IQCM: variants seen among roughly 807,000 people sequenced by gnomAD.
The protein encoded by IQCM is IQ domain-containing protein M.
A neutral mutation model predicts 57.6 loss-of-function variants in IQCM; 45 were observed. The observed-to-expected ratio is 0.78, with a 90% CI of 0.62 to 1.00. The LOEUF (loss-of-function observed/expected upper bound fraction) is 1.00. Ranked by LOEUF, IQCM falls within the 50% of genes least tolerant of loss-of-function variation. IQCM has a pLI of 0.00. For missense variants in IQCM, 468 were observed against 511.6 expected, an observed-to-expected ratio of 0.91 and a Z score of 0.82; for synonymous variants, 148 against 158.9, an observed-to-expected ratio of 0.93 and a Z score of 0.51.
intron 13 of IQCM, among the ~76,000 whole-genome samples, chr4:149,394,047 T>C (rs1732050084): frequency 6.6e-6 from 1 of 152,040 alleles, no homozygotes; most frequent in Non-Finnish European, 1.5e-5. Flanking sequence ...TTCTTCATTG[T>C]GTTCTCATAG....
intron 9 of IQCM, among the ~76,000 whole-genome samples, chr4:149,580,088 A>G (rs1468546179): frequency 1.3e-5 from 2 of 151,908 alleles, no homozygotes; most frequent in South Asian, 2.1e-4. Context: ...TACTATGCTC[A>G]AAAAGAATAA....
rs904406499 is a variant in IQCM, at chr4:149,752,741, C to T, written c.-48-10002G>A. Among the ~76,000 whole-genome samples the T allele has an allele frequency of 3.3e-5, 5 of 152,202 alleles. No individual in the cohort carries two copies. The East Asian group carries it at 9.7e-4, about 29-fold the overall frequency. On this transcript the variant is annotated intron_variant, in intron 2 of 13. Coordinates refer to ENST00000636793, the MANE Select transcript of IQCM (RefSeq NM_001363507.2). ...AGTAGAGGCAACCTGGAGTTCAGCTCCAGTGTAGTAACCAGAACTCAGAGT... is the reference window on the plus strand; with the variant it reads ...AGTAGAGGCAACCTGGAGTTCAGCTTCAGTGTAGTAACCAGAACTCAGAGT...
At chr4:149,547,376 TTAA>T (rs1375578650) in intron 12 of IQCM, among the ~76,000 whole-genome samples, 1 of 152,218 alleles carries the variant, frequency 6.6e-6, no homozygotes, top group Non-Finnish European at 1.5e-5. Context: ...TTATGTTAAG[TTAA>T]ATAAGCCAGA....
chr4:149,576,150 T>A (rs1044584496), intron 9 of IQCM, among the ~76,000 whole-genome samples: 2 of 151,860 alleles, frequency 1.3e-5, no homozygotes, highest in Non-Finnish European at 2.9e-5. Context: ...ATTTTTTTTC[T>A]TTCCAACTTT....
chr4:149,736,832 C>A (rs1186861402), intron 3 of IQCM, among the ~76,000 whole-genome samples: 1 of 152,066 alleles, frequency 6.6e-6, no homozygotes. Context: ...CAATTCCAAT[C>A]CTAGGTATTT....
chr4:149,393,389 G>A (rs1731998333), intron 13 of IQCM, among the ~76,000 whole-genome samples: 1 of 151,676 alleles, frequency 6.6e-6, no homozygotes, highest in Non-Finnish European at 1.5e-5. Flanking sequence ...TGGAAGATAT[G>A]AGAGAGAAAA....
At chr4:149,804,649 C>T (rs573560386) in intron 2 of IQCM, among the ~76,000 whole-genome samples, 7 of 152,084 alleles carry the variant, frequency 4.6e-5, no homozygotes, top group African/African-American at 1.7e-4. Flanking sequence ...TATGTTTATC[C>T]CTTTTTTAGA....
At chr4:149,744,107 G>A (rs1026895874) in intron 2 of IQCM, among the ~76,000 whole-genome samples, 3 of 152,132 alleles carry the variant, frequency 2.0e-5, no homozygotes, top group Non-Finnish European at 2.9e-5. Flanking sequence ...TAGATAAAAG[G>A]CTACAACACT....
At chr4:149,705,842 T>A (rs1764115049) in intron 5 of IQCM, among the ~76,000 whole-genome samples, 1 of 151,880 alleles carries the variant, frequency 6.6e-6, no homozygotes, top group Non-Finnish European at 1.5e-5. Flanking sequence ...ATATTTAAAG[T>A]CAATGCCAAA....
intron 8 of IQCM, among the ~76,000 whole-genome samples, chr4:149,606,546 C>T (rs1159572985): frequency 2.0e-5 from 3 of 152,090 alleles, no homozygotes; most frequent in African/African-American, 4.8e-5. Flanking sequence ...AAAACATGAC[C>T]TCACCAAATT....
chr4:149,561,328 T>G (rs1207339614), intron 10 of IQCM, among the ~76,000 whole-genome samples: 5 of 152,320 alleles, frequency 3.3e-5, no homozygotes, highest in Non-Finnish European at 7.3e-5. Flanking sequence ...TTATGAATGA[T>G]TCTACAATTA....
At chr4:149,466,558 GC>G (rs918512899) in intron 12 of IQCM, among the ~76,000 whole-genome samples, 1 of 152,130 alleles carries the variant, frequency 6.6e-6, no homozygotes, top group Non-Finnish European at 1.5e-5. Context: ...TTCAAGAGGA[GC>G]AAAAATGCAG....
In IQCM at chr4:149,486,447, C is replaced by G. The variant is rs747783597; in HGVS notation, c.1229-52890G>C. ...ACCACCAATCCACTGGGGTTCTGTT[C>G]ACTTAAAGCCCAAAAGCTCGGCCAG... On this transcript the variant is annotated intron_variant, in intron 12 of 13. Transcript: ENST00000636793. Among the ~76,000 whole-genome samples the G allele has an allele frequency of 5.9e-5, 9 of 152,176 alleles. No homozygotes were observed. The East Asian group carries it at 1.7e-3, about 30-fold the overall frequency.
Position 149,549,844 on chromosome 4 carries a change from T to C in IQCM, c.1094-1255A>G, listed in dbSNP as rs139886457. Among the ~76,000 whole-genome samples the C allele has an allele frequency of 1.6e-4, 24 of 152,258 alleles. No individual in the cohort carries two copies. In the East Asian group the frequency reaches 4.5e-3, roughly 28 times the overall value. On this transcript the variant is annotated intron_variant, in intron 11 of 13. Coordinates refer to ENST00000636793, the MANE Select transcript of IQCM (RefSeq NM_001363507.2). ...CATTCATTCATTTAGCTGAGGGAGA[T>C]AGCTATGAGACATCAACAGATTCAA...
At chr4:149,424,015 A>G (rs1734299306) in intron 13 of IQCM, among the ~76,000 whole-genome samples, 1 of 151,964 alleles carries the variant, frequency 6.6e-6, no homozygotes, top group Non-Finnish European at 1.5e-5. Context: ...CTTAGTTTGA[A>G]AACATAGCTT....
intron 9 of IQCM, among the ~76,000 whole-genome samples, chr4:149,584,362 C>A (rs568866178): frequency 2.0e-5 from 3 of 151,496 alleles, no homozygotes; most frequent in Admixed American, 2.0e-4. Context: ...AGATATTAAG[C>A]AATTTTGTTT....
intron 5 of IQCM, among the ~76,000 whole-genome samples, chr4:149,725,551 C>A (rs531864605): frequency 2.0e-5 from 3 of 152,266 alleles, no homozygotes; most frequent in Middle Eastern, 3.4e-3. Flanking sequence ...CTGACCTCAG[C>A]AGAGTCTATA....
At chr4:149,396,807 C>T (rs1293208098) in intron 13 of IQCM, among the ~76,000 whole-genome samples, 1 of 152,036 alleles carries the variant, frequency 6.6e-6, no homozygotes, top group Non-Finnish European at 1.5e-5. Flanking sequence ...TGTAACCATG[C>T]AGTATCTGTC....
rs1490907589 is a variant in IQCM at position 149,559,957 on chromosome 4, T to A, written c.948+3735A>T. 3.3e-5 allele frequency among the ~76,000 whole-genome samples: 5 copies of A among 152,220 alleles called. No individual in the cohort carries two copies. The East Asian group carries it at 9.7e-4, about 29-fold the overall frequency. On this transcript the variant is annotated intron_variant, in intron 10 of 13. Transcript: ENST00000636793. ...GAACTGCACATGCAGGGGATCCAGG[T>A]TGTGTGCTCTTAATGAGAATCTAAT...
Sources: allele counts gnomAD v4.1 joint callset (sites outside exome capture counted in the v4.1 genomes callset), GRCh38; gene constraint gnomAD v4.1.1; transcripts MANE v1.5; gene names NCBI Gene and HGNC (gene_info 2026-07-23, HGNC 2026-07-21).